The following ROBO1 variants were observed in gnomAD, a reference collection of about 807,000 sequenced individuals.
ROBO1 encodes roundabout homolog 1.
In ROBO1, 149 loss-of-function variants were observed where a neutral mutation model predicts 195.9. The ratio of observed to expected loss-of-function variants is 0.76; its 90% confidence interval spans 0.67 to 0.87. The LOEUF (loss-of-function observed/expected upper bound fraction) is 0.87. Among genes scored for constraint, ROBO1 ranks in the 40% least tolerant of loss-of-function variants. ROBO1 has a pLI of 0.00. For missense variants in ROBO1, 1,933 were observed against 2,068.3 expected (o/e 0.93, Z 1.27); for synonymous variants, 816 against 733.2 (o/e 1.11, Z -1.82).
intron 2 of ROBO1, among the ~76,000 whole-genome samples, chr3:79,332,719 C>T (rs2034497110): frequency 1.3e-5 from 2 of 152,164 alleles, no homozygotes; most frequent in South Asian, 4.1e-4. Context: ...TACTGCATCA[C>T]TCAAAGTGAT....
At chr3:79,444,863 A>C (rs2039186210) in intron 2 of ROBO1, among the ~76,000 whole-genome samples, 1 of 152,062 alleles carries the variant, frequency 6.6e-6, no homozygotes, top group East Asian at 1.9e-4. Flanking sequence ...ACATATACAA[A>C]GATTCCTTTC....
intron 4 of ROBO1, among the ~76,000 whole-genome samples, chr3:78,857,700 C>T (rs370080928): frequency 8.7e-4 from 132 of 152,218 alleles, no homozygotes; most frequent in Admixed American, 1.3e-3. Context: ...CTCCAGGTGA[C>T]GCTGGTGCAC....
chr3:79,054,755 G>C (rs565414530), intron 3 of ROBO1, among the ~76,000 whole-genome samples: 1 of 152,218 alleles, frequency 6.6e-6, no homozygotes, highest in East Asian at 1.9e-4. Context: ...GTAAGTACTT[G>C]ACACTCTAAG....
chr3:79,585,278 A>G lies in ROBO1; in HGVS notation c.88+4546T>C, dbSNP rs1214644640. 2.6e-5 allele frequency among the ~76,000 whole-genome samples: 4 copies of G among 152,078 alleles called. No individual in the cohort carries two copies. The East Asian group carries it at 7.8e-4, about 29-fold the overall frequency. On this transcript the variant is annotated intron_variant, in intron 2 of 30. Transcript: ENST00000464233. ...AGTCCAGCTACTTAATATCTGAATT[A>G]AGATTTTACTAACGCTTTGACAAAA...
intron 1 of ROBO1, among the ~76,000 whole-genome samples, chr3:79,600,991 G>A (rs1009372870): frequency 1.3e-5 from 2 of 151,926 alleles, no homozygotes; most frequent in African/African-American, 2.4e-5. Context: ...CAGAGGGAGC[G>A]ATGGAGATAA....
At chr3:78,807,918 T>TTACTCAAAC (rs1553735677) in intron 4 of ROBO1, among the ~76,000 whole-genome samples, 1 of 136,814 alleles carries the variant, frequency 7.3e-6, no homozygotes, top group Non-Finnish European at 1.6e-5. Flanking sequence ...GAACAAACAT[T>TTACTCAAAC]TGCTAAACAC....
intron 8 of ROBO1, among the ~76,000 whole-genome samples, chr3:78,701,540 C>G (rs1167740999): frequency 6.6e-6 from 1 of 152,020 alleles, no homozygotes. Context: ...CTCAAGAAAC[C>G]TAAATCAGGT....
At chr3:79,328,329 G>A (rs1278683248) in intron 2 of ROBO1, among the ~76,000 whole-genome samples, 4 of 151,572 alleles carry the variant, frequency 2.6e-5, no homozygotes, top group African/African-American at 9.7e-5. Context: ...TATATGAAGA[G>A]GACAGTTGGA....
chr3:79,732,823 TA>T (rs1487357207), intron 1 of ROBO1, among the ~76,000 whole-genome samples: 2 of 152,194 alleles, frequency 1.3e-5, no homozygotes, highest in African/African-American at 4.8e-5. Context: ...GGGCGTTTTT[TA>T]TACTTTATTT....
At chr3:79,211,260 T>C (rs540100859) in intron 2 of ROBO1, among the ~76,000 whole-genome samples, 2 of 152,164 alleles carry the variant, frequency 1.3e-5, no homozygotes, top group Non-Finnish European at 2.9e-5. Context: ...CTGGTTGTTA[T>C]TTTTCAAAGT....
intron 2 of ROBO1, among the ~76,000 whole-genome samples, chr3:79,330,071 T>C (rs1323489513): frequency 1.3e-5 from 2 of 151,702 alleles, no homozygotes; most frequent in Non-Finnish European, 2.9e-5. Flanking sequence ...CTAGTAAAAT[T>C]AGTAATTTAA....
intron 2 of ROBO1, among the ~76,000 whole-genome samples, chr3:79,251,321 G>A (rs1050823644): frequency 1.3e-5 from 2 of 152,158 alleles, no homozygotes; most frequent in African/African-American, 4.8e-5. Flanking sequence ...CTTGCATGCA[G>A]AAGTAGTACT....
intron 4 of ROBO1, among the ~76,000 whole-genome samples, chr3:78,873,360 G>A (rs2035656817): frequency 6.6e-6 from 1 of 152,224 alleles, no homozygotes. Flanking sequence ...GAAAATAGAT[G>A]AGCTGGCTAA....
intron 2 of ROBO1, among the ~76,000 whole-genome samples, chr3:79,164,428 G>A (rs1185857625): frequency 6.6e-6 from 1 of 152,134 alleles, no homozygotes; most frequent in East Asian, 1.9e-4. Context: ...ATCATATGAT[G>A]AAAATACAAA....
chr3:78,988,592 A>C (rs986303092), intron 3 of ROBO1, among the ~76,000 whole-genome samples: 10 of 152,192 alleles, frequency 6.6e-5, no homozygotes, highest in African/African-American at 2.4e-4. Context: ...AAATATTTAC[A>C]CAAGTTAGAT....
chr3:79,481,164 T>C (rs543869606), intron 2 of ROBO1, among the ~76,000 whole-genome samples: 5 of 152,254 alleles, frequency 3.3e-5, no homozygotes, highest in South Asian at 2.1e-4. Context: ...TCGACTGCCT[T>C]GCAACGAAAA....
At chr3:78,780,537 T>A (rs2083645433) in intron 4 of ROBO1, among the ~76,000 whole-genome samples, 1 of 152,086 alleles carries the variant, frequency 6.6e-6, no homozygotes, top group African/African-American at 2.4e-5. Flanking sequence ...TACTTTCTTA[T>A]TGTACGCCTT....
chr3:79,365,870 C>G (rs1259758755), intron 2 of ROBO1, among the ~76,000 whole-genome samples: 3 of 146,054 alleles, frequency 2.1e-5, no homozygotes, highest in African/African-American at 7.7e-5. Flanking sequence ...GCACTCCAGC[C>G]TGGGCGACAC....
At chr3:78,919,548 T>A (rs1179692927) in intron 4 of ROBO1, among the ~76,000 whole-genome samples, 1 of 152,322 alleles carries the variant, frequency 6.6e-6, no homozygotes, top group Admixed American at 6.5e-5. Context: ...ACTTAGTGGA[T>A]TGTCCTGTCA....
Sources: gnomAD v4.1 joint callset for allele counts (sites outside exome capture counted in the v4.1 genomes callset) on GRCh38, gnomAD v4.1.1 for gene constraint, MANE v1.5 for transcripts, NCBI Gene and HGNC (gene_info 2026-07-23, HGNC 2026-07-21) for gene names.